The following BIVM variants were observed in gnomAD, a reference collection of about 807,000 sequenced individuals.
BIVM encodes the protein basic, immunoglobulin-like variable motif containing, also known as basic immunoglobulin-like variable motif-containing protein.
In BIVM, 31 loss-of-function variants were observed where a neutral mutation model predicts 61.4. That is an observed-to-expected ratio of 0.51 (90% CI 0.38 to 0.68). The LOEUF (loss-of-function observed/expected upper bound fraction) is 0.68, where lower values mean the gene tolerates loss of function less well. Ranked by LOEUF, BIVM falls within the 30% of genes least tolerant of loss-of-function variation. The pLI, the probability that BIVM is intolerant of heterozygous loss-of-function variation, is 0.00. For missense variants in BIVM, 526 were observed against 596.0 expected (o/e 0.88, Z 1.22); for synonymous variants, 189 against 210.7 (o/e 0.90, Z 0.89).
chr13:102,826,025 C>G (rs984279348), intron 7 of BIVM, among the ~76,000 whole-genome samples: 7 of 152,094 alleles, frequency 4.6e-5, no homozygotes, highest in African/African-American at 1.7e-4. Context: ...TACTTAGGTG[C>G]TCAGTAGGAG....
chr13:102,801,709 T>C (rs974820244), intron 1 of BIVM: 13 of 152,188 alleles, frequency 8.5e-5, no homozygotes, highest in Admixed American at 7.2e-4. Flanking sequence ...GATACAATAA[T>C]CTGGAAAACC....
chr13:102,838,783 C>T, intron 10 of BIVM, 44 bp downstream of exon 10: 1 of 1,563,054 alleles, frequency 6.4e-7, no homozygotes, highest in Middle Eastern at 1.7e-4. Flanking sequence ...CCCAGCTGAC[C>T]AAAATGTGGT....
At chr13:102,802,403 G>A (rs1878803245) in intron 1 of BIVM, among the ~76,000 whole-genome samples, 1 of 152,202 alleles carries the variant, frequency 6.6e-6, no homozygotes, top group South Asian at 2.1e-4. Context: ...AGACAGTGTG[G>A]AAAGAAAGTA....
chr13:102,803,300 C>G (rs529098376), intron 1 of BIVM, among the ~76,000 whole-genome samples: 2 of 152,180 alleles, frequency 1.3e-5, no homozygotes, highest in South Asian at 4.1e-4. Flanking sequence ...GTCAGGAGTT[C>G]CAGACCAGCC....
At chr13:102,800,603 G>C (rs1013012294) in intron 1 of BIVM, 1 of 152,358 alleles carries the variant, frequency 6.6e-6, no homozygotes, top group Non-Finnish European at 1.5e-5. Flanking sequence ...CCGGCCGAGC[G>C]GCGAGCTTGT....
chr13:102,826,903 A>G (rs1880710175), intron 7 of BIVM, among the ~76,000 whole-genome samples: 1 of 152,114 alleles, frequency 6.6e-6, no homozygotes, highest in Non-Finnish European at 1.5e-5. Context: ...TATCAAAGAA[A>G]CTCTGGGTAT....
chr13:102,807,685 G>T lies in BIVM; in HGVS notation c.418G>T (p.Ala140Ser), dbSNP rs374998551. 5.0e-6 allele frequency: 8 copies of T among 1,613,912 alleles called. No individual in the cohort carries two copies. Among genetic ancestry groups the T allele is most frequent in the Non-Finnish European group, 6.8e-6 (8 of 1,179,986 alleles). Residue 140 changes from alanine to serine, a missense_variant, in exon 3 of 11, where the codon GCA (alanine) becomes TCA (serine). Ala to Ser is a moderately conservative substitution (Grantham distance 99). This residue lies in a region of BIVM where 312 missense variants were observed against 343.8 expected (regional missense o/e 0.91). Coordinates refer to ENST00000257336, the MANE Select transcript of BIVM (RefSeq NM_017693.4). This position sits in a 1 kb window ranked among gnomAD's most constrained non-coding sequence, Gnocchi z 4.0. ...CAACAGCCTGGGCAAGCTACCTCTC[G>T]CATGGGAAATTGATAAATCTGAATT... ...LSNSLGKLPL[A>S]WEIDKSEFDG...
At chr13:102,834,329 T>G in intron 8 of BIVM, 137 bp from the exon 9 acceptor site, 2 of 800,262 alleles carry the variant, frequency 2.5e-6, no homozygotes, top group Non-Finnish European at 3.6e-6. Flanking sequence ...TGCCCTCACC[T>G]AAGCTCTAAT....
intron 7 of BIVM, among the ~76,000 whole-genome samples, chr13:102,826,199 C>G (rs141099925): frequency 1.7e-3 from 266 of 152,198 alleles, no homozygotes; most frequent in African/African-American, 6.4e-3. Context: ...TTTCTCTTTC[C>G]CTTTCTGTAG....
rs1349023844 is a variant in BIVM, at chr13:102,808,698, T to C, written c.478+953T>C. Among the ~76,000 whole-genome samples, 3 of 152,176 alleles carry C rather than the reference T, an allele frequency of 2.0e-5. No homozygotes were observed. The East Asian group carries it at 5.8e-4, about 29-fold the overall frequency. ...ATCTTCTAAGAAAAGTTGGGAAGTG[T>C]TTTTTCCTCCTGTTTTCTGAGGATT... is the stretch of plus-strand genomic sequence containing the variant. On this transcript the variant is annotated intron_variant, in intron 3 of 10. Transcript: ENST00000257336.
At chr13:102,828,762 C>T (rs1880851208) in intron 7 of BIVM, among the ~76,000 whole-genome samples, 1 of 152,094 alleles carries the variant, frequency 6.6e-6, no homozygotes, top group Non-Finnish European at 1.5e-5. Flanking sequence ...GGCATAGTGG[C>T]TCACGCCTGT....
At chr13:102,830,195 C>A (rs1391458282) in intron 7 of BIVM, among the ~76,000 whole-genome samples, 1 of 152,136 alleles carries the variant, frequency 6.6e-6, no homozygotes, top group African/African-American at 2.4e-5. Flanking sequence ...TCTTATTCCA[C>A]CTTATATAAA....
chr13:102,800,847 C>T (rs1878713598), intron 1 of BIVM: 1 of 152,262 alleles, frequency 6.6e-6, no homozygotes, highest in African/African-American at 2.4e-5. Flanking sequence ...CGCGCATATT[C>T]GACCCTTACG....
At chr13:102,806,880 A>C (rs1029455637) in intron 2 of BIVM, among the ~76,000 whole-genome samples, 5 of 151,752 alleles carry the variant, frequency 3.3e-5, no homozygotes, top group African/African-American at 1.2e-4. Flanking sequence ...ATTGCACTCC[A>C]GCCTGGGCAA....
At chr13:102,831,769 C>A in intron 8 of BIVM, 72 bp downstream of exon 8, 1 of 1,544,872 alleles carries the variant, frequency 6.5e-7, no homozygotes, top group African/African-American at 1.4e-5. Context: ...GTAGCTCACG[C>A]CTGTAATCCT....
At chr13:102,823,595 A>G (rs1055082831) in intron 7 of BIVM, among the ~76,000 whole-genome samples, 2 of 152,092 alleles carry the variant, frequency 1.3e-5, no homozygotes, top group Non-Finnish European at 2.9e-5. Context: ...CTGTGTTGCT[A>G]TTTATTTCTG....
chr13:102,839,672 A>G lies in BIVM; in HGVS notation c.1319A>G (p.Gln440Arg). ...TTTGGAACCATTAGACAAGAATCACAACCTCCAACACATGCCCAGGGAATT... is the reference window on the plus strand; with the variant it reads ...TTTGGAACCATTAGACAAGAATCACGACCTCCAACACATGCCCAGGGAATT... ...FPFGTIRQES[Q>R]PPTHAQGIAK... is the part of the protein sequence containing the mutation. Residue 440 changes from glutamine (Q) to arginine (R), a missense_variant, in exon 11 of 11, where the codon CAA becomes CGA. Physicochemically the swap from Gln to Arg is conservative, Grantham distance 43. Transcript: ENST00000257336. The G allele has an allele frequency of 6.2e-7, 1 of 1,614,236 alleles. No individual in the cohort carries two copies. Among genetic ancestry groups the G allele is most frequent in the East Asian group, 2.2e-5 (1 of 44,894 alleles).
chr13:102,824,370 G>T (rs1027608721), intron 7 of BIVM, among the ~76,000 whole-genome samples: 7 of 152,188 alleles, frequency 4.6e-5, no homozygotes, highest in African/African-American at 1.7e-4. Flanking sequence ...ATAAATACTA[G>T]TAAAGCTTAA....
intron 3 of BIVM, among the ~76,000 whole-genome samples, chr13:102,813,645 A>G (rs1879652150): frequency 6.6e-6 from 1 of 152,052 alleles, no homozygotes. Flanking sequence ...ATAATTTTGC[A>G]TTGTATCCTA....
Sources: gnomAD v4.1 joint callset for allele counts (sites outside exome capture counted in the v4.1 genomes callset) on GRCh38, gnomAD v4.1.1 for gene constraint, gnomAD v4.1.1 regional missense constraint, Gnocchi (gnomAD v3.1) non-coding constraint, MANE v1.5 for transcripts, NCBI Gene and HGNC (gene_info 2026-07-23, HGNC 2026-07-21) for gene names.